The following RASGRF1 variants were observed in gnomAD, a reference collection of about 807,000 sequenced individuals.
RASGRF1 encodes Ras protein specific guanine nucleotide releasing factor 1, also known as ras-specific guanine nucleotide-releasing factor 1.
In RASGRF1, 40 loss-of-function variants were observed where a neutral mutation model predicts 138.7. The ratio of observed to expected loss-of-function variants is 0.29; its 90% confidence interval spans 0.22 to 0.38. RASGRF1 has a LOEUF of 0.38. Among genes scored for constraint, RASGRF1 ranks in the 10% least tolerant of loss-of-function variants. The probability of loss-of-function intolerance (pLI) is 1.00; values close to 1 mark genes in which losing one functional copy is unlikely to be tolerated. For synonymous variants in RASGRF1, 614 were observed against 663.2 expected (o/e 0.93, Z 1.14); for missense variants, 1,108 against 1,650.4 (o/e 0.67, Z 5.69).
chr15:79,033,668 C>T (rs577409482), intron 6 of RASGRF1, among the ~76,000 whole-genome samples: 3 of 137,636 alleles, frequency 2.2e-5, no homozygotes, highest in East Asian at 2.2e-4. Flanking sequence ...CGGCTCACTG[C>T]GACTTCTGCT....
chr15:78,993,087 G>T (rs2056305973), intron 20 of RASGRF1, among the ~76,000 whole-genome samples: 5 of 144,904 alleles, frequency 3.5e-5, no homozygotes, highest in Admixed American at 3.4e-4. Flanking sequence ...TGTGTGGGTG[G>T]TGTGTATGGG....
At chr15:78,978,210 CTTTTCTTTTGTTTTTTTTTTT>C (rs1398640031) in intron 24 of RASGRF1, among the ~76,000 whole-genome samples, 4 of 122,216 alleles carry the variant, frequency 3.3e-5, no homozygotes, top group African/African-American at 7.6e-5. Context: ...TTTTCTTTTT[CTTTTCTTTTGTTTTTTTTTTT>C]TTTTTTTTTT....
intron 24 of RASGRF1, among the ~76,000 whole-genome samples, chr15:78,977,552 G>A (rs1299210971): frequency 1.3e-5 from 2 of 152,170 alleles, no homozygotes; most frequent in Non-Finnish European, 2.9e-5. Context: ...GAACCCCTGA[G>A]ACTCTAGAGC....
intron 19 of RASGRF1, 125 bp from the exon 20 acceptor site, chr15:78,995,925 A>G: frequency 1.1e-6 from 1 of 876,354 alleles, no homozygotes; most frequent in East Asian, 2.6e-5. Flanking sequence ...CATTGCCAGG[A>G]GCACCCTTTC....
At chr15:79,000,585 T>C (rs1051734551) in intron 16 of RASGRF1, among the ~76,000 whole-genome samples, 1 of 152,184 alleles carries the variant, frequency 6.6e-6, no homozygotes, top group South Asian at 2.1e-4. Flanking sequence ...TGGAATATCA[T>C]TGCTATTAGT....
chr15:79,032,170 A>C lies in RASGRF1; in HGVS notation c.1105T>G (p.Cys369Gly). Residue 369 changes from cysteine (C) to glycine (G), a missense_variant, in exon 7 of 27, where the codon TGC becomes GGC. Physicochemically the swap from Cys to Gly is radical, Grantham distance 159 (BLOSUM62 -3). Around this residue, in one of 3 missense-constraint regions of RASGRF1, gnomAD observed 169 missense variants for 344.2 expected, o/e 0.49. Transcript: ENST00000558480. This position sits in a 1 kb window ranked among gnomAD's most constrained non-coding sequence, Gnocchi z 4.5. Reference protein sequence around the residue: ...LLKHYEAKPDCEERTLETFLT... With the variant: ...LLKHYEAKPDGEERTLETFLT... The stretch of plus-strand genomic sequence containing the variant: ...AAGGTCTCCAGCGTCCTCTCCTCGC[A>C]GTCAGGCTTGGCCTCGTAGTGCTTC... 6.2e-7 allele frequency: 1 copy of C among 1,614,040 alleles called. No individual in the cohort carries two copies. The highest frequency in any genetic ancestry group is 8.5e-7 in the Non-Finnish European group (1 of 1,179,946).
intron 5 of RASGRF1, among the ~76,000 whole-genome samples, chr15:79,038,310 A>G (rs113475363): frequency 7.9e-5 from 12 of 152,178 alleles, no homozygotes; most frequent in Non-Finnish European, 1.3e-4. Context: ...GAACCTTCTT[A>G]TATCCCAATA....
Position 78,973,859 on chromosome 15 carries a change from T to C in RASGRF1, c.3495-439A>G, listed in dbSNP as rs927863129. Among the ~76,000 whole-genome samples, 3 of 151,998 alleles carry C rather than the reference T, an allele frequency of 2.0e-5. No homozygotes were observed. Among genetic ancestry groups the C allele is most frequent in the African/African-American group, 4.8e-5 (2 of 41,350 alleles). On this transcript the variant is annotated intron_variant, in intron 24 of 26. Transcript: ENST00000558480. The surrounding 1 kb of genome is among the most constrained non-coding windows in gnomAD (Gnocchi z 4.9). ...GGCTCTGCAGCCCCAGCCCCCCAAC[T>C]CCTGCCAGTCACCCTATCTGACACC... is the stretch of plus-strand genomic sequence containing the variant.
At chr15:79,047,377 G>A (rs991714343) in intron 4 of RASGRF1, among the ~76,000 whole-genome samples, 1 of 152,198 alleles carries the variant, frequency 6.6e-6, no homozygotes, top group Non-Finnish European at 1.5e-5. Flanking sequence ...TTCGCTGGAG[G>A]AGGAAAAATG....
intron 12 of RASGRF1, among the ~76,000 whole-genome samples, chr15:79,016,002 C>A (rs889040340): frequency 1.3e-5 from 2 of 152,188 alleles, no homozygotes; most frequent in Admixed American, 6.5e-5. Context: ...ACATTTCACT[C>A]GGCCTCCAAA....
intron 26 of RASGRF1, among the ~76,000 whole-genome samples, chr15:78,969,452 C>T (rs547966046): frequency 3.3e-5 from 5 of 152,114 alleles, no homozygotes; most frequent in African/African-American, 7.2e-5. Context: ...GGGTGGATCA[C>T]GAGGTCAGGA....
chr15:78,976,805 G>A (rs1250059401), intron 24 of RASGRF1, among the ~76,000 whole-genome samples: 1 of 152,246 alleles, frequency 6.6e-6, no homozygotes, highest in African/African-American at 2.4e-5. Context: ...CTCGGGTGAG[G>A]TCCAGTCTTG....
intron 1 of RASGRF1, among the ~76,000 whole-genome samples, chr15:79,067,763 G>A (rs969221807): frequency 1.3e-5 from 2 of 152,164 alleles, no homozygotes; most frequent in African/African-American, 4.8e-5. Context: ...AATTGGTAGG[G>A]ACAGAGATAG....
intron 19 of RASGRF1, among the ~76,000 whole-genome samples, chr15:78,997,309 T>C (rs2056415278): frequency 6.6e-6 from 1 of 152,242 alleles, no homozygotes; most frequent in Non-Finnish European, 1.5e-5. Context: ...TCTGCAGTGA[T>C]GGCAGCATCC....
At chr15:78,999,613 C>T in intron 17 of RASGRF1, 130 bp downstream of exon 17, 1 of 1,146,822 alleles carries the variant, frequency 8.7e-7, no homozygotes, top group Non-Finnish European at 1.2e-6. Context: ...TTTAACAGGA[C>T]CCACCTGTGC....
In RASGRF1 at chr15:79,004,099, T is replaced by C. The variant is rs1331097737; in HGVS notation, c.2152A>G (p.Thr718Ala). 3.7e-6 allele frequency: 6 copies of C among 1,613,566 alleles called. No homozygotes were observed. The highest frequency in any genetic ancestry group is 5.1e-6 in the Non-Finnish European group (6 of 1,179,938). ...GGTGGCGGCGAGGAGAACTTGCGGG[T>C]GGCGCGCGGGGACTTGGGGGGTTCA... ...YGEPPKSPRA[T>A]RKFSSPPPLS... Residue 718 changes from threonine (T) to alanine (A), a missense_variant, in exon 15 of 27, where the codon ACC becomes GCC. Coordinates refer to ENST00000558480, the MANE Select transcript of RASGRF1 (RefSeq NM_001145648.3).
intron 13 of RASGRF1, among the ~76,000 whole-genome samples, chr15:79,013,936 G>C (rs1367618880): frequency 6.6e-6 from 1 of 152,118 alleles, no homozygotes; most frequent in Non-Finnish European, 1.5e-5. Flanking sequence ...ATTAGGAAGA[G>C]AAAAATAGTT....
chr15:79,089,308 G>A (rs1031094537), intron 1 of RASGRF1, among the ~76,000 whole-genome samples: 1 of 152,224 alleles, frequency 6.6e-6, no homozygotes, highest in Admixed American at 6.5e-5. Flanking sequence ...GCAAGGGACT[G>A]GACCAGATGC....
At position 79,084,846 on chromosome 15, in the gene RASGRF1, G is replaced by C. The variant is rs2057958581; in HGVS notation, c.276+5377C>G. On this transcript the variant is annotated intron_variant, in intron 1 of 26. Transcript: ENST00000558480. ...CCTGGTGGCCTCAGGCAGAACCATG[G>C]ACTTCAGGTTTGATCCTGTCTTCTT... Among the ~76,000 whole-genome samples the C allele has an allele frequency of 2.0e-5, 3 of 152,298 alleles. No individual in the cohort carries two copies. In the South Asian group the frequency reaches 6.2e-4, roughly 32 times the overall value.
Sources: gnomAD v4.1 joint callset for allele counts (sites outside exome capture counted in the v4.1 genomes callset) on GRCh38, gnomAD v4.1.1 for gene constraint, gnomAD v4.1.1 regional missense constraint, Gnocchi (gnomAD v3.1) non-coding constraint, MANE v1.5 for transcripts, NCBI Gene and HGNC (gene_info 2026-07-23, HGNC 2026-07-21) for gene names.